The following SSH2 variants were observed in gnomAD, a reference collection of about 807,000 sequenced individuals.
The protein encoded by SSH2 is slingshot protein phosphatase 2, also known as protein phosphatase Slingshot homolog 2.
Under a neutral mutation model 135.2 loss-of-function variants are expected in SSH2, and 37 were observed. The ratio of observed to expected loss-of-function variants is 0.27; its 90% CI spans 0.21 to 0.36. SSH2 has a LOEUF of 0.36. Ranked by LOEUF, SSH2 falls within the 10% of genes least tolerant of loss-of-function variation. The probability of loss-of-function intolerance (pLI) is 1.00; values close to 1 mark genes in which losing one functional copy is unlikely to be tolerated. For synonymous variants in SSH2, 628 were observed against 646.2 expected (o/e 0.97, Z 0.43); for missense variants, 1,408 against 1,765.3 (o/e 0.80, Z 3.63).
At chr17:29,835,215 C>A (rs2042922704) in intron 2 of SSH2, among the ~76,000 whole-genome samples, 1 of 152,114 alleles carries the variant, frequency 6.6e-6, no homozygotes, top group Non-Finnish European at 1.5e-5. Flanking sequence ...TCTGACTAGC[C>A]TAAGAACTGC....
intron 1 of SSH2, among the ~76,000 whole-genome samples, chr17:29,913,353 TATATATA>T (rs2066815855): frequency 7.0e-5 from 2 of 28,592 alleles, no homozygotes; most frequent in East Asian, 9.8e-4. Context: ...AAAAAATATA[TATATATA>T]TATATATATA....
chr17:29,770,094 T>TTTTTTG (rs2041539156), intron 3 of SSH2, among the ~76,000 whole-genome samples: 2 of 99,278 alleles, frequency 2.0e-5, no homozygotes, highest in African/African-American at 3.9e-5. Context: ...TATATTTAGT[T>TTTTTTG]TTTTTTTTTT....
intron 1 of SSH2, among the ~76,000 whole-genome samples, chr17:29,895,141 TTTA>T (rs1159798456): frequency 6.7e-6 from 1 of 148,510 alleles, no homozygotes; most frequent in African/African-American, 2.5e-5. Flanking sequence ...TACATTCTAT[TTTA>T]TTTATAGATC....
At chr17:29,894,585 T>C (rs1361020765) in intron 1 of SSH2, among the ~76,000 whole-genome samples, 3 of 152,122 alleles carry the variant, frequency 2.0e-5, no homozygotes, top group Non-Finnish European at 4.4e-5. Flanking sequence ...TATGGTATTG[T>C]TATTTTTATT....
At chr17:29,711,223 C>T (rs1019967729) in intron 3 of SSH2, among the ~76,000 whole-genome samples, 6 of 152,234 alleles carry the variant, frequency 3.9e-5, no homozygotes, top group African/African-American at 1.4e-4. Flanking sequence ...CCCAGCACAA[C>T]TATACTAGGA....
chr17:29,721,972 T>C (rs1235573489), intron 3 of SSH2, among the ~76,000 whole-genome samples: 2 of 152,166 alleles, frequency 1.3e-5, no homozygotes, highest in Non-Finnish European at 1.5e-5. Context: ...GTAATGTTTC[T>C]TGAAAGTCAA....
At chr17:29,762,513 T>C (rs2041347152) in intron 3 of SSH2, among the ~76,000 whole-genome samples, 1 of 152,188 alleles carries the variant, frequency 6.6e-6, no homozygotes, top group Admixed American at 6.5e-5. Flanking sequence ...TACAGTAACA[T>C]TTAAGGTCTA....
intron 1 of SSH2, among the ~76,000 whole-genome samples, chr17:29,906,244 C>A (rs1269245308): frequency 6.6e-6 from 1 of 152,052 alleles, no homozygotes; most frequent in Admixed American, 6.6e-5. Context: ...CTTAACCTGA[C>A]AAAAACAAGC....
intron 4 of SSH2, among the ~76,000 whole-genome samples, chr17:29,699,394 A>G (rs1289330404): frequency 3.3e-5 from 5 of 152,232 alleles, no homozygotes; most frequent in African/African-American, 1.2e-4. Flanking sequence ...TTCTGCCATC[A>G]ACTTGCAGTT....
intron 3 of SSH2, among the ~76,000 whole-genome samples, chr17:29,735,012 G>T (rs899086045): frequency 1.3e-5 from 2 of 151,936 alleles, no homozygotes; most frequent in Admixed American, 1.3e-4. Flanking sequence ...TCTATTCAAG[G>T]TTCAAAATTG....
chr17:29,903,565 G>A (rs539590371), intron 1 of SSH2, among the ~76,000 whole-genome samples: 2 of 151,692 alleles, frequency 1.3e-5, no homozygotes, highest in South Asian at 4.2e-4. Flanking sequence ...ATGGCCAAGA[G>A]CCCCTTCTCT....
chr17:29,803,522 C>G, intron 2 of SSH2, among the ~76,000 whole-genome samples: 1 of 152,126 alleles, frequency 6.6e-6, no homozygotes, highest in Admixed American at 6.6e-5. Context: ...ATCCTAAAGG[C>G]TAGGCTCAGA....
At chr17:29,690,729 T>G (rs2038432631) in intron 5 of SSH2, among the ~76,000 whole-genome samples, 1 of 152,206 alleles carries the variant, frequency 6.6e-6, no homozygotes, top group African/African-American at 2.4e-5. Context: ...TCTGAATTTT[T>G]TTTTAAATCA....
At chr17:29,763,574 A>C (rs1255736908) in intron 3 of SSH2, among the ~76,000 whole-genome samples, 2 of 151,988 alleles carry the variant, frequency 1.3e-5, no homozygotes, top group Non-Finnish European at 2.9e-5. Context: ...CAGCAGAGAG[A>C]GGATTTTATT....
At chr17:29,682,502 CATGCTGT>C (rs1170524099) in intron 6 of SSH2, among the ~76,000 whole-genome samples, 4 of 152,090 alleles carry the variant, frequency 2.6e-5, no homozygotes, top group African/African-American at 9.7e-5. Flanking sequence ...AAGACACGTG[CATGCTGT>C]ATGCAGTGGC....
intron 3 of SSH2, among the ~76,000 whole-genome samples, chr17:29,721,950 TG>T (rs2039835441): frequency 6.6e-6 from 1 of 152,110 alleles, no homozygotes; most frequent in Admixed American, 6.6e-5. Flanking sequence ...AGACTGTCCT[TG>T]GGTGGGCAGG....
In SSH2 at chr17:29,689,801, T is replaced by C. The variant is rs542926567; in HGVS notation, c.358-5117A>G. ...ACCTAATTACAAGCAGTTTACAAAC[T>C]GGGCATAGTGGCATGCCAGCTACTC... On this transcript the variant is annotated intron_variant, in intron 5 of 15. Transcript: ENST00000540801. Among the ~76,000 whole-genome samples the C allele has an allele frequency of 3.3e-5, 5 of 152,106 alleles. No homozygotes were observed. In the South Asian group the frequency reaches 8.3e-4, roughly 25 times the overall value.
chr17:29,652,806 C>T lies in SSH2; in HGVS notation c.1080-2006G>A, dbSNP rs919416564. Among the ~76,000 whole-genome samples, 10 of 151,958 alleles carry T rather than the reference C, an allele frequency of 6.6e-5. No individual in the cohort carries two copies. The South Asian group carries it at 8.3e-4, about 13-fold the overall frequency. ...CCGAGTAGCTGGGATTACAGGTGTGCGCCACCACTCCCACCTAATTTTTGT... is the reference window on the plus strand; with the variant it reads ...CCGAGTAGCTGGGATTACAGGTGTGTGCCACCACTCCCACCTAATTTTTGT... On this transcript the variant is annotated intron_variant, in intron 12 of 15. Coordinates refer to ENST00000540801, the MANE Select transcript of SSH2 (RefSeq NM_001282129.2).
intron 1 of SSH2, among the ~76,000 whole-genome samples, chr17:29,881,499 T>C (rs1380959690): frequency 6.6e-6 from 1 of 152,028 alleles, no homozygotes; most frequent in Admixed American, 6.6e-5. Context: ...TCTCTCTCTT[T>C]CTCTTTCTTT....
Sources: gnomAD v4.1 joint callset for allele counts (sites outside exome capture counted in the v4.1 genomes callset) on GRCh38, gnomAD v4.1.1 for gene constraint, MANE v1.5 for transcripts, NCBI Gene and HGNC (gene_info 2026-07-23, HGNC 2026-07-21) for gene names.